The following CERKL variants were observed in gnomAD, a reference collection of about 807,000 sequenced individuals.
The protein encoded by CERKL is ceramide kinase-like protein.
CERKL carries 61 observed loss-of-function variants against 63.4 expected under a neutral mutation model. The ratio of observed to expected loss-of-function variants is 0.96; its 90% CI spans 0.78 to 1.19. The LOEUF (loss-of-function observed/expected upper bound fraction) is 1.19, where lower values mean the gene tolerates loss of function less well. Ranked by LOEUF, CERKL falls within the 50% of genes most tolerant of loss-of-function variation. The pLI, the probability that CERKL is intolerant of heterozygous loss-of-function variation, is 0.00. For synonymous variants in CERKL, 250 were observed against 230.5 expected, an observed-to-expected ratio of 1.08 and a Z score of -0.77; for missense variants, 675 against 655.5, an observed-to-expected ratio of 1.03 and a Z score of -0.33.
Position 181,572,780 on chromosome 2 carries a change from C to CT in CERKL, c.613+972dup, listed in dbSNP as rs5836800. Among the ~76,000 whole-genome samples, 416 of 131,158 alleles carry CT rather than the reference C, an allele frequency of 3.2e-3. 1 individual carries two copies. Among genetic ancestry groups the CT allele is most frequent in the Middle Eastern group, 0.012 (3 of 244 alleles). The allele number at this position is 131,158 out of a possible 152,430, so 86.0% of individuals were successfully genotyped here. ...GGGGCTGACCTTCCTACAAAACTTG[C>CT]TTTTTTTTTTTTTTTGAACTTTCTT... On this transcript the variant is annotated intron_variant, in intron 3 of 12. Transcript: ENST00000410087.
At chr2:181,578,179 C>T (rs926967663) in intron 2 of CERKL, among the ~76,000 whole-genome samples, 4 of 151,890 alleles carry the variant, frequency 2.6e-5, no homozygotes, top group East Asian at 1.9e-4. Context: ...TCTATATACA[C>T]GCATATATAT....
At chr2:181,625,775 G>A (rs937611112) in intron 1 of CERKL, among the ~76,000 whole-genome samples, 4 of 152,156 alleles carry the variant, frequency 2.6e-5, no homozygotes, top group African/African-American at 9.7e-5. Flanking sequence ...TTCATTCAAC[G>A]AATATTTGTT....
chr2:181,566,325 C>T (rs1264233260), intron 3 of CERKL, among the ~76,000 whole-genome samples: 1 of 152,138 alleles, frequency 6.6e-6, no homozygotes, highest in African/African-American at 2.4e-5. Flanking sequence ...AAGAGAAGGT[C>T]ATATATTTGT....
chr2:181,605,109 T>C (rs1685624140), intron 1 of CERKL, among the ~76,000 whole-genome samples: 1 of 152,122 alleles, frequency 6.6e-6, no homozygotes, highest in South Asian at 2.1e-4. Context: ...GGACATCAGG[T>C]AACACAGGAC....
intron 2 of CERKL, among the ~76,000 whole-genome samples, chr2:181,580,259 G>C (rs1009052081): frequency 6.6e-6 from 1 of 151,774 alleles, no homozygotes; most frequent in African/African-American, 2.4e-5. Context: ...AAGATAAGTG[G>C]TGAACAATTC....
At chr2:181,585,320 T>C (rs1684714432) in intron 2 of CERKL, among the ~76,000 whole-genome samples, 1 of 152,096 alleles carries the variant, frequency 6.6e-6, no homozygotes, top group Non-Finnish European at 1.5e-5. Context: ...TAACTAATAT[T>C]CTTTTAAAAA....
At chr2:181,620,886 CTTTA>C (rs1172338092) in intron 1 of CERKL, among the ~76,000 whole-genome samples, 1 of 152,116 alleles carries the variant, frequency 6.6e-6, no homozygotes, top group Non-Finnish European at 1.5e-5. Context: ...ATTTGTAAAA[CTTTA>C]TTTATTCATA....
intron 1 of CERKL, among the ~76,000 whole-genome samples, chr2:181,606,070 G>T (rs533807313): frequency 1.7e-4 from 25 of 149,772 alleles, no homozygotes; most frequent in African/African-American, 5.9e-4. Context: ...AAAAAAGGAA[G>T]AGTGAAAAAG....
intron 1 of CERKL, among the ~76,000 whole-genome samples, chr2:181,652,692 G>A (rs921235747): frequency 1.3e-5 from 2 of 150,038 alleles, no homozygotes; most frequent in African/African-American, 4.9e-5. Context: ...CAGAATGGGA[G>A]AAAAATATTT....
chr2:181,606,508 GA>G (rs1431719432), intron 1 of CERKL, among the ~76,000 whole-genome samples: 22 of 23,622 alleles, frequency 9.3e-4, no homozygotes, highest in Middle Eastern at 0.024. Flanking sequence ...AGGGGGAGGG[GA>G]GGGGGGAGGA....
At chr2:181,565,548 T>C in intron 4 of CERKL, 1 of 1,308,906 alleles carries the variant, frequency 7.6e-7, no homozygotes, top group Non-Finnish European at 1.1e-6. Flanking sequence ...CACTACATTA[T>C]GAGATAATTA....
chr2:181,557,132 G>T (rs1197705099), intron 5 of CERKL, among the ~76,000 whole-genome samples: 18 of 152,112 alleles, frequency 1.2e-4, no homozygotes, highest in South Asian at 4.1e-4. Context: ...TGTAGATTCA[G>T]GATATTAGCC....
intron 1 of CERKL, among the ~76,000 whole-genome samples, chr2:181,634,309 ATAAGC>A (rs1559116609): frequency 1.3e-5 from 2 of 152,218 alleles, no homozygotes; most frequent in Non-Finnish European, 2.9e-5. Context: ...GTACAAAAAC[ATAAGC>A]ATATGTTAAA....
Position 181,550,221 on chromosome 2 carries a change from A to G in CERKL, c.821-513T>C, listed in dbSNP as rs772472030. On this transcript the variant is annotated intron_variant, in intron 5 of 12. Coordinates refer to ENST00000410087, the MANE Select transcript of CERKL (RefSeq NM_201548.5). This position sits in a 1 kb window ranked among gnomAD's most constrained non-coding sequence, Gnocchi z 4.5. The stretch of plus-strand genomic sequence containing the variant: ...ATCTTAGAGGTAAGCTCTTAGCCAA[A>G]TGAGAATCCCCTCTGTTATCTGACA... 1.3e-5 allele frequency among the ~76,000 whole-genome samples: 2 copies of G among 152,238 alleles called. No individual in the cohort carries two copies.
At chr2:181,566,511 G>A (rs1688673878) in intron 3 of CERKL, among the ~76,000 whole-genome samples, 2 of 152,196 alleles carry the variant, frequency 1.3e-5, no homozygotes, top group South Asian at 4.2e-4. Context: ...ATCTTAAATC[G>A]GTTTGGCAAC....
intron 11 of CERKL, among the ~76,000 whole-genome samples, chr2:181,542,425 C>T (rs1409073337): frequency 6.6e-6 from 1 of 152,130 alleles, no homozygotes; most frequent in Non-Finnish European, 1.5e-5. Flanking sequence ...ATGCAGTAGA[C>T]ATGATTTTTA....
chr2:181,538,484 ACAGT>A lies in CERKL; in HGVS notation c.1539-244_1539-241del, dbSNP rs552664851. ...CAATGCTCTCCATTACCTCTGTAAA[ACAGT>A]CAGTTATGCCTCTAGAACACCCATG... On this transcript the variant is annotated intron_variant, in intron 12 of 12. Transcript: ENST00000410087. 1.1e-4 allele frequency among the ~76,000 whole-genome samples: 16 copies of A among 151,178 alleles called. No homozygotes were observed. The Middle Eastern group carries it at 0.01, about 96-fold the overall frequency.
intron 2 of CERKL, among the ~76,000 whole-genome samples, chr2:181,596,241 G>C (rs1685204930): frequency 6.6e-6 from 1 of 152,170 alleles, no homozygotes; most frequent in South Asian, 2.1e-4. Flanking sequence ...AGGATACTCT[G>C]TCAATGACTA....
intron 5 of CERKL, among the ~76,000 whole-genome samples, chr2:181,557,548 T>C (rs547550687): frequency 6.6e-6 from 1 of 152,272 alleles, no homozygotes; most frequent in South Asian, 2.1e-4. Context: ...CCCTCTTTTC[T>C]GGATCACAGT....
Sources: gnomAD v4.1 joint callset for allele counts (sites outside exome capture counted in the v4.1 genomes callset) on GRCh38, gnomAD v4.1.1 for gene constraint, Gnocchi (gnomAD v3.1) non-coding constraint, MANE v1.5 for transcripts, NCBI Gene and HGNC (gene_info 2026-07-23, HGNC 2026-07-21) for gene names.